Variants in C6 observed in about 807,000 individuals in gnomAD.
C6 encodes the protein complement component C6.
Under a neutral mutation model 112.9 loss-of-function variants are expected in C6, and 101 were observed. The observed-to-expected ratio is 0.89, with a 90% CI of 0.76 to 1.06. The LOEUF is 1.06. Ranked by LOEUF, C6 falls within the 50% of genes least tolerant of loss-of-function variation. The pLI is 0.00. For synonymous variants in C6, 431 were observed against 384.1 expected, an observed-to-expected ratio of 1.12 and a Z score of -1.43; for missense variants, 1,202 against 1,104.6, an observed-to-expected ratio of 1.09 and a Z score of -1.25.
chr5:41,222,236 G>C, intron 1 of C6, among the ~76,000 whole-genome samples: 1 of 151,206 alleles, frequency 6.6e-6, no homozygotes, highest in East Asian at 1.9e-4. Context: ...TAATAGTTTT[G>C]AAAACTATTA....
intron 5 of C6, among the ~76,000 whole-genome samples, chr5:41,190,150 T>C (rs1750084592): frequency 6.6e-6 from 1 of 152,186 alleles, no homozygotes; most frequent in Non-Finnish European, 1.5e-5. Context: ...CTGGATCATA[T>C]GGCAGTGCTG....
At chr5:41,210,018 G>T (rs1751765974) in intron 1 of C6, among the ~76,000 whole-genome samples, 1 of 152,072 alleles carries the variant, frequency 6.6e-6, no homozygotes, top group South Asian at 2.1e-4. Flanking sequence ...CCAAAACAGA[G>T]ATATAGACCA....
At chr5:41,203,528 T>C (rs1751197845) in intron 1 of C6, 2 of 396,108 alleles carry the variant, frequency 5.0e-6, no homozygotes, top group East Asian at 1.1e-4. Context: ...GTAGCATGTA[T>C]TTGTAATCCA....
At chr5:41,216,278 C>A (rs368173664), upstream of C6, among the ~76,000 whole-genome samples, 1 of 152,256 alleles carries the variant, frequency 6.6e-6, no homozygotes, top group East Asian at 1.9e-4. Flanking sequence ...CAATGACCAC[C>A]ATTAACCTCC....
At chr5:41,190,119 G>A (rs1199174978) in intron 5 of C6, among the ~76,000 whole-genome samples, 3 of 152,120 alleles carry the variant, frequency 2.0e-5, no homozygotes, top group African/African-American at 4.8e-5. Context: ...TGCTTTGGAT[G>A]TATGCTCAGT....
At chr5:41,180,945 C>T (rs1165049649) in intron 7 of C6, among the ~76,000 whole-genome samples, 5 of 151,120 alleles carry the variant, frequency 3.3e-5, no homozygotes, top group African/African-American at 1.2e-4. Context: ...TAGCAAAATA[C>T]ACATTTTGTT....
chr5:41,215,527 C>G (rs1220766546), upstream of C6, among the ~76,000 whole-genome samples: 1 of 152,122 alleles, frequency 6.6e-6, no homozygotes, highest in African/African-American at 2.4e-5. Flanking sequence ...ATGAAGTTTA[C>G]TGGCACTGGC....
intron 1 of C6, among the ~76,000 whole-genome samples, chr5:41,249,296 A>C (rs1741200481): frequency 6.6e-6 from 1 of 152,186 alleles, no homozygotes; most frequent in Non-Finnish European, 1.5e-5. Flanking sequence ...TACAAGTTGA[A>C]ATTACATTAA....
At chr5:41,164,711 G>GC (rs1238986384) in intron 9 of C6, among the ~76,000 whole-genome samples, 5 of 152,134 alleles carry the variant, frequency 3.3e-5, no homozygotes, top group Admixed American at 3.3e-4. Context: ...ATGTCCTCTT[G>GC]TTCCTACAGG....
chr5:41,260,332 C>T (rs1741967932), intron 1 of C6, among the ~76,000 whole-genome samples: 1 of 151,890 alleles, frequency 6.6e-6, no homozygotes, highest in South Asian at 2.1e-4. Context: ...AAAGGACATA[C>T]TACAAATATT....
chr5:41,252,996 G>A (rs978030775), intron 1 of C6, among the ~76,000 whole-genome samples: 2 of 152,152 alleles, frequency 1.3e-5, no homozygotes, highest in Non-Finnish European at 2.9e-5. Flanking sequence ...GACTTCTTGA[G>A]GTTGTGTTCC....
intron 13 of C6, among the ~76,000 whole-genome samples, chr5:41,157,429 T>TA (rs1379847291): frequency 1.3e-5 from 2 of 152,236 alleles, no homozygotes; most frequent in African/African-American, 2.4e-5. Flanking sequence ...AGCTTTTCTA[T>TA]AAGTGGCCTG....
At chr5:41,153,680 C>A in intron 15 of C6, 130 bp downstream of exon 15, 1 of 707,304 alleles carries the variant, frequency 1.4e-6, no homozygotes, top group Admixed American at 2.2e-5. Flanking sequence ...TCCGGTTTGA[C>A]CCACACTGTC....
intron 1 of C6, among the ~76,000 whole-genome samples, chr5:41,204,659 C>CAT: frequency 7.5e-6 from 1 of 133,340 alleles, no homozygotes; most frequent in Admixed American, 8.1e-5. Context: ...AATCAGTAAG[C>CAT]TTTTTTTTTT....
Position 41,181,392 on chromosome 5 carries a change from G to A in C6, c.894C>T (p.Ala298=), listed in dbSNP as rs1445541381. ...GAGAGGCTTGAATGGCTTGTTTGAAGGCAGAATTATGGTTGATATTTTCAC... is the reference window on the plus strand; with the variant it reads ...GAGAGGCTTGAATGGCTTGTTTGAAAGCAGAATTATGGTTGATATTTTCAC... ...KRSENINHNS[A]FKQAIQASHK... Residue 298 remains alanine (A), a synonymous_variant, in exon 7 of 18, where the codon GCC becomes GCT. Transcript: ENST00000337836. The A allele has an allele frequency of 2.5e-6, 4 of 1,613,624 alleles. No individual in the cohort carries two copies. In the South Asian group the frequency reaches 3.3e-5, roughly 13 times the overall value.
intron 1 of C6, among the ~76,000 whole-genome samples, chr5:41,242,588 T>C (rs1028191493): frequency 2.6e-5 from 4 of 152,234 alleles, no homozygotes; most frequent in African/African-American, 9.6e-5. Context: ...GCACACATTA[T>C]ATGGAGAATG....
At chr5:41,200,167 C>A (rs1331258608) in intron 3 of C6, among the ~76,000 whole-genome samples, 1 of 152,050 alleles carries the variant, frequency 6.6e-6, no homozygotes, top group Non-Finnish European at 1.5e-5. Flanking sequence ...ACTCTGAAAC[C>A]ATATGGTTTA....
chr5:41,221,188 TA>T (rs1739145719), intron 1 of C6, among the ~76,000 whole-genome samples: 1 of 152,156 alleles, frequency 6.6e-6, no homozygotes. Flanking sequence ...CCATATTTCA[TA>T]GTACTTGCTA....
intron 1 of C6, among the ~76,000 whole-genome samples, chr5:41,227,367 C>T (rs1026921093): frequency 4.0e-5 from 6 of 151,802 alleles, no homozygotes; most frequent in African/African-American, 1.5e-4. Flanking sequence ...CTTCATCAGA[C>T]GTATGGTGTG....
Sources: allele counts gnomAD v4.1 joint callset (sites outside exome capture counted in the v4.1 genomes callset), GRCh38; gene constraint gnomAD v4.1.1; transcripts MANE v1.5; gene names NCBI Gene and HGNC (gene_info 2026-07-23, HGNC 2026-07-21).